The following FSTL5 variants were observed in gnomAD, a reference collection of about 807,000 sequenced individuals.
FSTL5 encodes the protein follistatin like 5, also known as follistatin-related protein 5.
A neutral mutation model predicts 89.1 loss-of-function variants in FSTL5; 62 were observed. The observed-to-expected ratio is 0.70, with a 90% CI of 0.57 to 0.86. The LOEUF (loss-of-function observed/expected upper bound fraction) is 0.86. FSTL5 is among the 40% of genes least tolerant of loss of function. The pLI is 0.00. For synonymous variants in FSTL5, 383 were observed against 346.2 expected, an observed-to-expected ratio of 1.11 and a Z score of -1.18; for missense variants, 1,057 against 1,001.6, an observed-to-expected ratio of 1.06 and a Z score of -0.75.
At chr4:161,806,234 A>C (rs1729961413) in intron 4 of FSTL5, among the ~76,000 whole-genome samples, 1 of 152,268 alleles carries the variant, frequency 6.6e-6, no homozygotes, top group Non-Finnish European at 1.5e-5. Flanking sequence ...ACTGAGTCAA[A>C]GACAAGTTGA....
intron 2 of FSTL5, among the ~76,000 whole-genome samples, chr4:162,064,066 T>A (rs575840182): frequency 6.6e-6 from 1 of 152,128 alleles, no homozygotes; most frequent in East Asian, 1.9e-4. Context: ...TCTCTGTTAA[T>A]TATTTAGCTG....
chr4:161,428,842 G>A (rs1307738788), intron 15 of FSTL5, among the ~76,000 whole-genome samples: 4 of 152,038 alleles, frequency 2.6e-5, no homozygotes, highest in Non-Finnish European at 4.4e-5. Flanking sequence ...CTTGAGAAAA[G>A]GAGAGGAAAA....
chr4:161,920,547 C>T lies in FSTL5; in HGVS notation c.266G>A (p.Cys89Tyr). Residue 89 changes from cysteine (C) to tyrosine (Y), a missense_variant, in exon 4 of 16, where the codon TGT (cysteine) becomes TAT (tyrosine). By Grantham distance (194) the Cys-to-Tyr change is radical. Transcript: ENST00000306100. ...GTAGTGACGTTTGCAAAGGTCCATA[C>T]AGGCACATTCTGCTTGCCCTGTCTC... ...SRETGQAECACMDLCKRHYKP... is the reference protein window; with the variant it reads ...SRETGQAECAYMDLCKRHYKP... 5 of 1,614,012 alleles carry T rather than the reference C, an allele frequency of 3.1e-6. No individual in the cohort carries two copies. The highest frequency in any genetic ancestry group is 2.2e-5 in the East Asian group (1 of 44,830).
At chr4:161,895,343 T>A (rs1345517278) in intron 4 of FSTL5, among the ~76,000 whole-genome samples, 1 of 152,228 alleles carries the variant, frequency 6.6e-6, no homozygotes, top group African/African-American at 2.4e-5. Context: ...ATGTCCTTTT[T>A]TTAAATCAAA....
chr4:161,950,564 A>G (rs1373647832), intron 3 of FSTL5, among the ~76,000 whole-genome samples: 3 of 152,170 alleles, frequency 2.0e-5, no homozygotes, highest in Non-Finnish European at 4.4e-5. Context: ...AGCCTGTAGC[A>G]GTCAGGCCTC....
At chr4:162,130,352 T>C (rs2111456176) in intron 1 of FSTL5, among the ~76,000 whole-genome samples, 1 of 152,006 alleles carries the variant, frequency 6.6e-6, no homozygotes, top group African/African-American at 2.4e-5. Flanking sequence ...TTGCATATAG[T>C]CTTTTAAAAC....
chr4:161,700,877 C>G (rs1738364665), intron 6 of FSTL5, among the ~76,000 whole-genome samples: 1 of 152,108 alleles, frequency 6.6e-6, no homozygotes, highest in African/African-American at 2.4e-5. Flanking sequence ...GATTTTTACT[C>G]AAAATATGTT....
chr4:162,027,243 T>G (rs1385577611), intron 3 of FSTL5, among the ~76,000 whole-genome samples: 1 of 152,132 alleles, frequency 6.6e-6, no homozygotes, highest in African/African-American at 2.4e-5. Flanking sequence ...GGAGAATAAA[T>G]ACTACCCTTA....
intron 6 of FSTL5, among the ~76,000 whole-genome samples, chr4:161,744,752 C>T (rs559196605): frequency 4.0e-5 from 6 of 150,968 alleles, no homozygotes; most frequent in South Asian, 2.1e-4. Flanking sequence ...CTTTTTTTTT[C>T]GGTTCAAACT....
intron 5 of FSTL5, among the ~76,000 whole-genome samples, chr4:161,769,186 G>A (rs904204033): frequency 6.6e-5 from 10 of 151,886 alleles, no homozygotes; most frequent in African/African-American, 2.4e-4. Flanking sequence ...TAATGAGATT[G>A]AAGCTGTAAT....
intron 4 of FSTL5, among the ~76,000 whole-genome samples, chr4:161,799,946 G>A (rs1192652029): frequency 1.3e-5 from 2 of 151,512 alleles, no homozygotes; most frequent in South Asian, 2.1e-4. Flanking sequence ...CATAACATGC[G>A]GGGCATCTGT....
intron 1 of FSTL5, among the ~76,000 whole-genome samples, chr4:162,139,344 C>A (rs906113754): frequency 1.1e-4 from 16 of 151,902 alleles, no homozygotes; most frequent in African/African-American, 3.9e-4. Flanking sequence ...ATTTTAATTT[C>A]AAGGACAATT....
intron 4 of FSTL5, among the ~76,000 whole-genome samples, chr4:161,883,614 A>G (rs1182871151): frequency 1.3e-5 from 2 of 152,198 alleles, no homozygotes; most frequent in African/African-American, 2.4e-5. Context: ...ATCCTAGGCT[A>G]TGTTAACATT....
chr4:161,643,471 G>GTT (rs35607433), intron 7 of FSTL5, among the ~76,000 whole-genome samples: 31 of 148,374 alleles, frequency 2.1e-4, no homozygotes, highest in South Asian at 8.4e-4. Context: ...ATGTAACGGA[G>GTT]TTTTTTTTTT....
At chr4:161,938,639 A>T (rs1354926620) in intron 3 of FSTL5, among the ~76,000 whole-genome samples, 1 of 152,086 alleles carries the variant, frequency 6.6e-6, no homozygotes, top group Admixed American at 6.6e-5. Context: ...CAAAGCTGAA[A>T]AATAATAAAC....
Position 161,963,627 on chromosome 4 carries a change from T to G in FSTL5, c.161-42975A>C, listed in dbSNP as rs561393253. ...TACTCTTCACTTTTAATAACTCTGA[T>G]CTTTTCTGAGTAATTGATGCAATTC... On this transcript the variant is annotated intron_variant, in intron 3 of 15. Coordinates refer to ENST00000306100, the MANE Select transcript of FSTL5 (RefSeq NM_020116.5). Among the ~76,000 whole-genome samples the G allele has an allele frequency of 2.6e-5, 4 of 152,116 alleles. No homozygotes were observed. In the East Asian group the frequency reaches 5.8e-4, roughly 22 times the overall value.
chr4:161,759,130 A>T (rs72977179), intron 6 of FSTL5, among the ~76,000 whole-genome samples: 10,246 of 152,220 alleles, frequency 0.067, 581 homozygotes, highest in African/African-American at 0.16. Flanking sequence ...CCTGCTCTAA[A>T]ATAACCTTGA....
chr4:161,440,480 T>A (rs1239839109), intron 15 of FSTL5, among the ~76,000 whole-genome samples: 1 of 152,040 alleles, frequency 6.6e-6, no homozygotes, highest in East Asian at 1.9e-4. Flanking sequence ...AGCAAAAAAG[T>A]CCCGCATTCA....
intron 4 of FSTL5, among the ~76,000 whole-genome samples, chr4:161,890,033 C>A (rs1732936918): frequency 6.6e-6 from 1 of 152,132 alleles, no homozygotes; most frequent in African/African-American, 2.4e-5. Flanking sequence ...GGAGGAGATT[C>A]CATCTGTCTG....
Sources: gnomAD v4.1 joint callset for allele counts (sites outside exome capture counted in the v4.1 genomes callset) on GRCh38, gnomAD v4.1.1 for gene constraint, MANE v1.5 for transcripts, NCBI Gene and HGNC (gene_info 2026-07-23, HGNC 2026-07-21) for gene names.